The following PCBP3 variants were observed in gnomAD, a reference collection of about 807,000 sequenced individuals.
PCBP3 encodes the protein poly(rC)-binding protein 3.
Under a neutral mutation model 52.7 loss-of-function variants are expected in PCBP3, and 25 were observed. That is an observed-to-expected ratio of 0.47 (90% CI 0.35 to 0.66). PCBP3 has a LOEUF of 0.66. Ranked by LOEUF, PCBP3 falls within the 30% of genes least tolerant of loss-of-function variation. PCBP3 has a pLI of 0.01. For synonymous variants in PCBP3, 162 were observed against 183.0 expected (o/e 0.89, Z 0.93); for missense variants, 391 against 490.3 (o/e 0.80, Z 1.91).
chr21:45,712,662 G>T (rs1479511763), intron 2 of PCBP3, among the ~76,000 whole-genome samples: 3 of 151,664 alleles, frequency 2.0e-5, no homozygotes, highest in East Asian at 1.9e-4. Flanking sequence ...TTATGATGAT[G>T]ATTATTATAC....
intron 4 of PCBP3, among the ~76,000 whole-genome samples, chr21:45,844,303 C>T (rs746984365): frequency 2.0e-5 from 3 of 152,060 alleles, no homozygotes; most frequent in Non-Finnish European, 2.9e-5. Context: ...AGCATAGACA[C>T]GTTGGGTGGG....
intron 7 of PCBP3, among the ~76,000 whole-genome samples, chr21:45,900,122 C>G (rs1170838182): frequency 6.6e-6 from 1 of 152,204 alleles, no homozygotes; most frequent in African/African-American, 2.4e-5. Flanking sequence ...TCACCGCTTC[C>G]GGGGGTCCTT....
At chr21:45,739,995 C>A (rs1237498330) in intron 3 of PCBP3, among the ~76,000 whole-genome samples, 1 of 152,246 alleles carries the variant, frequency 6.6e-6, no homozygotes, top group Non-Finnish European at 1.5e-5. Flanking sequence ...CTTGCCTAGT[C>A]CCAGCAGCAC....
chr21:45,767,714 G>C (rs1569200608), intron 4 of PCBP3, among the ~76,000 whole-genome samples: 1 of 152,250 alleles, frequency 6.6e-6, no homozygotes, highest in Non-Finnish European at 1.5e-5. Flanking sequence ...GGATAGGACA[G>C]ACCTTCGTGG....
At chr21:45,901,744 A>AGAGACAGAGAGATGAGAGAGAGAGAGAC (rs1569474835) in intron 9 of PCBP3, among the ~76,000 whole-genome samples, 19 of 86,824 alleles carry the variant, frequency 2.2e-4, no homozygotes, top group African/African-American at 1.0e-3. Flanking sequence ...GAGAGACAGA[A>AGAGACAGAGAGATGAGAGAGAGAGAGAC]AGAGAGAGAG....
At chr21:45,697,213 A>G (rs561818178) in intron 2 of PCBP3, among the ~76,000 whole-genome samples, 1 of 152,352 alleles carries the variant, frequency 6.6e-6, no homozygotes, top group East Asian at 1.9e-4. Context: ...TTTATGCCTA[A>G]TAGTGAAACA....
chr21:45,935,471 G>A (rs777974679), intron 16 of PCBP3, 166 bp downstream of exon 16: 8 of 701,928 alleles, frequency 1.1e-5, no homozygotes, highest in Non-Finnish European at 1.8e-5. Flanking sequence ...TTTTAAAGTG[G>A]GTTTAATGCC....
chr21:45,784,403 T>G (rs113699653), intron 4 of PCBP3, among the ~76,000 whole-genome samples: 1,702 of 117,002 alleles, frequency 0.015, 106 homozygotes, highest in African/African-American at 0.037. Context: ...TACCGCTACC[T>G]CTACCGCTAC....
chr21:45,748,040 A>C (rs2087067348), intron 3 of PCBP3: 1 of 152,390 alleles, frequency 6.6e-6, no homozygotes, highest in Admixed American at 6.5e-5. Context: ...CTGCGTGCAG[A>C]GACAGTGATA....
At chr21:45,794,733 G>T (rs533068576) in intron 4 of PCBP3, among the ~76,000 whole-genome samples, 118 of 152,232 alleles carry the variant, frequency 7.8e-4, no homozygotes, top group South Asian at 2.9e-3. Context: ...TTCGAGACCA[G>T]CCTGGCTAAC....
chr21:45,901,711 CAGAGAGAGAGAGATG>C (rs1329753414), intron 9 of PCBP3: 1 of 125,360 alleles, frequency 8.0e-6, no homozygotes, highest in Non-Finnish European at 1.6e-5. Context: ...GAGAGGAAGA[CAGAGAGAGAGAGATG>C]AGAGAGAGAG....
chr21:45,734,362 G>T (rs1171522786), intron 2 of PCBP3, among the ~76,000 whole-genome samples: 2 of 152,178 alleles, frequency 1.3e-5, no homozygotes, highest in East Asian at 3.8e-4. Flanking sequence ...CCATGTCCAG[G>T]CAGAGACTAG....
intron 4 of PCBP3, among the ~76,000 whole-genome samples, chr21:45,847,944 G>T (rs1402112250): frequency 6.6e-6 from 1 of 152,042 alleles, no homozygotes; most frequent in African/African-American, 2.4e-5. Flanking sequence ...TTGTTTCTTG[G>T]GTCTTTGTTG....
At chr21:45,783,539 A>G (rs2090808166) in intron 4 of PCBP3, among the ~76,000 whole-genome samples, 1 of 152,158 alleles carries the variant, frequency 6.6e-6, no homozygotes, top group Non-Finnish European at 1.5e-5. Flanking sequence ...AGAAGGGGGG[A>G]AGGTCACAGA....
intron 2 of PCBP3, among the ~76,000 whole-genome samples, chr21:45,702,660 C>G (rs2147996509): frequency 6.6e-6 from 1 of 152,266 alleles, no homozygotes. Context: ...AGAGTCTTAC[C>G]TGGATGTTAA....
At chr21:45,777,087 G>T (rs901183091) in intron 4 of PCBP3, among the ~76,000 whole-genome samples, 1 of 152,124 alleles carries the variant, frequency 6.6e-6, no homozygotes, top group Non-Finnish European at 1.5e-5. Context: ...TGAGCATTTC[G>T]TGTAGGGATG....
chr21:45,910,382 G>A (rs1022271121), intron 10 of PCBP3, among the ~76,000 whole-genome samples: 1 of 151,802 alleles, frequency 6.6e-6, no homozygotes, highest in Non-Finnish European at 1.5e-5. Flanking sequence ...TCCCTGTGAG[G>A]GGCCTCCAGG....
At position 45,669,805 on chromosome 21, in the gene PCBP3, G is replaced by GTATATA. The variant is rs773020402; in HGVS notation, c.-200+889_-200+894dup. 1.8e-3 allele frequency among the ~76,000 whole-genome samples: 90 copies of GTATATA among 49,648 alleles called. 1 individual carries two copies. Among genetic ancestry groups the GTATATA allele is most frequent in the East Asian group, 2.8e-3 (4 of 1,448 alleles). The allele number at this position is 49,648 out of a possible 152,430, so 32.6% of individuals were successfully genotyped here. A position where few individuals can be genotyped will look rare whatever the true frequency, so the allele number is the denominator to read the frequency against. On this transcript the variant is annotated intron_variant, in intron 2 of 17. Transcript: ENST00000681687. Reference sequence around the variant, plus strand: ...TATTCCATTGTGTGTGTGTGTGTGTGTATATATATATATATATATATATAT... The same window carrying GTATATA: ...TATTCCATTGTGTGTGTGTGTGTGTGTATATATATATATATATATATATATATATAT...
chr21:45,661,047 A>AAT (rs950654430), intron 1 of PCBP3, among the ~76,000 whole-genome samples: 325 of 151,648 alleles, frequency 2.1e-3, no homozygotes, highest in African/African-American at 6.9e-3. Flanking sequence ...TCTCAAAAAA[A>AAT]ATATATATAT....
Sources: allele counts gnomAD v4.1 joint callset (sites outside exome capture counted in the v4.1 genomes callset), GRCh38; gene constraint gnomAD v4.1.1; transcripts MANE v1.5; gene names NCBI Gene and HGNC (gene_info 2026-07-23, HGNC 2026-07-21).